GNRHR: variants seen among roughly 807,000 people sequenced by gnomAD.
GNRHR encodes the protein gonadotropin-releasing hormone receptor.
Under a neutral mutation model 28.1 loss-of-function variants are expected in GNRHR, and 14 were observed. The ratio of observed to expected loss-of-function variants is 0.50; its 90% CI spans 0.33 to 0.78. GNRHR has a LOEUF of 0.78. Ranked by LOEUF, GNRHR falls within the 30% of genes least tolerant of loss-of-function variation. The pLI, the probability that GNRHR is intolerant of heterozygous loss-of-function variation, is 0.02. For missense variants in GNRHR, 366 were observed against 382.1 expected (o/e 0.96, Z 0.35); for synonymous variants, 141 against 140.5 (o/e 1.00, Z -0.02).
intron 2 of GNRHR, among the ~76,000 whole-genome samples, chr4:67,742,720 T>G (rs1314917850): frequency 2.0e-5 from 3 of 152,202 alleles, no homozygotes; most frequent in Non-Finnish European, 4.4e-5. Context: ...ATATTTTTTT[T>G]GAGGGAAACA....
chr4:67,738,490 T>C lies in GNRHR; in HGVS notation c.*1990A>G, dbSNP rs1366236497. ...TGAGGCAATTCCTAAGACAGAGAGA[T>C]CCATAATGAGCACACAAGAAGAACC... On this transcript the variant is annotated 3_prime_UTR_variant, in exon 3 of 3. Coordinates refer to ENST00000226413, the MANE Select transcript of GNRHR (RefSeq NM_000406.3). Among the ~76,000 whole-genome samples, 1 of 151,604 alleles carries C rather than the reference T, an allele frequency of 6.6e-6. No individual in the cohort carries two copies. The highest frequency in any genetic ancestry group is 1.5e-5 in the Non-Finnish European group (1 of 67,742).
chr4:67,748,323 G>A (rs1054025964), intron 1 of GNRHR, among the ~76,000 whole-genome samples: 1 of 152,010 alleles, frequency 6.6e-6, no homozygotes, highest in Non-Finnish European at 1.5e-5. Context: ...GGCCTATCAT[G>A]ACAATAAATG....
rs1245052683 is a variant in GNRHR at position 67,753,937 on chromosome 4, C to T, written c.399G>A (p.Val133=). Reference sequence around the variant, plus strand: ...CCAGGGAGCGGTCCAGGCTGATCACCACCATCATGAAGGCTGGGGCATACA... The same window carrying T: ...CCAGGGAGCGGTCCAGGCTGATCACTACCATCATGAAGGCTGGGGCATACA... ...FSMYAPAFMM[V]VISLDRSLAI... is the part of the protein sequence containing the mutation. Residue 133 remains valine (V), a synonymous_variant, in exon 1 of 3, where the codon GTG becomes GTA. Coordinates refer to ENST00000226413, the MANE Select transcript of GNRHR (RefSeq NM_000406.3). The T allele has an allele frequency of 4.3e-6, 7 of 1,613,902 alleles. No homozygotes were observed. The highest frequency in any genetic ancestry group is 2.7e-5 in the African/African-American group (2 of 74,882).
Position 67,754,077 on chromosome 4 carries a change from T to TAACC in GNRHR, c.258_259insGGTT (p.Asn87GlyfsTer2). 6.2e-7 allele frequency: 1 copy of TAACC among 1,614,240 alleles called. No individual in the cohort carries two copies. The highest frequency in any genetic ancestry group is 8.5e-7 in the Non-Finnish European group (1 of 1,180,040). The stretch of plus-strand genomic sequence containing the variant: ...ATGACAATCAGAGTCTCCAACAGGT[T>TAACC]GGCTAAGGTCAGATGTTTTAAGAGC... On this transcript the variant is annotated frameshift_variant, in exon 1 of 3. Transcript: ENST00000226413. LOFTEE classifies it high-confidence loss of function.
intron 1 of GNRHR, among the ~76,000 whole-genome samples, chr4:67,745,098 G>A (rs981924641): frequency 1.3e-5 from 2 of 152,016 alleles, no homozygotes; most frequent in African/African-American, 4.8e-5. Flanking sequence ...TAAACTTTTT[G>A]CAAGTGATTT....
chr4:67,750,599 T>G (rs1731847970), intron 1 of GNRHR, among the ~76,000 whole-genome samples: 1 of 152,050 alleles, frequency 6.6e-6, no homozygotes, highest in Admixed American at 6.6e-5. Context: ...ATGAGGAAAG[T>G]GGAAAATCTA....
intron 1 of GNRHR, 126 bp from the exon 2 acceptor site, chr4:67,744,913 T>G (rs890333583): frequency 8.2e-6 from 5 of 610,396 alleles, no homozygotes; most frequent in Non-Finnish European, 8.8e-6. Context: ...AGTGTTATAC[T>G]TCTGACGTTT....
intron 2 of GNRHR, 132 bp from the exon 3 acceptor site, chr4:67,740,856 T>G (rs559469594): frequency 2.9e-6 from 2 of 698,650 alleles, no homozygotes; most frequent in Admixed American, 4.5e-5. Context: ...TAAATAATAA[T>G]AATTTGTTTG....
At chr4:67,752,864 A>G (rs1383398793) in intron 1 of GNRHR, among the ~76,000 whole-genome samples, 1 of 151,688 alleles carries the variant, frequency 6.6e-6, no homozygotes, top group African/African-American at 2.4e-5. Context: ...ATAAATTTCC[A>G]TTTTCAGAGG....
chr4:67,747,605 TA>T (rs1013332549), intron 1 of GNRHR, among the ~76,000 whole-genome samples: 1 of 151,916 alleles, frequency 6.6e-6, no homozygotes, highest in Admixed American at 6.6e-5. Flanking sequence ...AATTTATAAT[TA>T]AAAAAATAAA....
Position 67,739,625 on chromosome 4 carries a change from C to G in GNRHR, c.*855G>C, listed in dbSNP as rs1280811873. The stretch of plus-strand genomic sequence containing the variant: ...GGATTTAGTAAGATCAGGAGAGAGA[C>G]AAAAAATTCTTCACATTAAAATAGA... On this transcript the variant is annotated 3_prime_UTR_variant, in exon 3 of 3. Transcript: ENST00000226413. The G allele has an allele frequency of 1.3e-5, 2 of 151,926 alleles. No homozygotes were observed. Among genetic ancestry groups the G allele is most frequent in the Admixed American group, 1.3e-4 (2 of 15,230 alleles). 9.4% of individuals were successfully genotyped at this position (151,926 alleles called of 1,614,324 possible). A position where few individuals can be genotyped will look rare whatever the true frequency, so the allele number is the denominator to read the frequency against.
At position 67,748,446 on chromosome 4, in the gene GNRHR, C is replaced by T. The variant is rs116422730; in HGVS notation, c.523-3659G>A. 5.9e-3 allele frequency among the ~76,000 whole-genome samples: 895 copies of T among 152,030 alleles called. 11 individuals are homozygous for T. The highest frequency in any genetic ancestry group is 0.02 in the African/African-American group (833 of 41,502). On this transcript the variant is annotated intron_variant, in intron 1 of 2. Coordinates refer to ENST00000226413, the MANE Select transcript of GNRHR (RefSeq NM_000406.3). ...CACAATTTTTATATGTATCCATATG[C>T]GTTTATATGTTTATAAATGTGTATC...
chr4:67,752,244 T>A (rs1199429225), intron 1 of GNRHR, among the ~76,000 whole-genome samples: 2 of 151,712 alleles, frequency 1.3e-5, no homozygotes, highest in East Asian at 3.9e-4. Flanking sequence ...TCTCATTCTG[T>A]CACCGAGATT....
intron 2 of GNRHR, among the ~76,000 whole-genome samples, chr4:67,742,735 G>C (rs1048452078): frequency 6.6e-6 from 1 of 152,144 alleles, no homozygotes; most frequent in African/African-American, 2.4e-5. Context: ...GAAACAGATA[G>C]TGCTATTCAG....
Position 67,744,719 on chromosome 4 carries a change from T to C in GNRHR, c.591A>G (p.Val197=). 1 of 1,612,186 alleles carries C rather than the reference T, an allele frequency of 6.2e-7. No homozygotes were observed. The highest frequency in any genetic ancestry group is 8.5e-7 in the Non-Finnish European group (1 of 1,178,188). Residue 197 remains valine, a synonymous_variant, in exon 2 of 3, where the codon GTA becomes GTG. Transcript: ENST00000226413. ...SGQTKVFSQC[V]THCSFSQWWH... is the part of the protein sequence containing the mutation. ...ACCATTGTGAAAAACTGCAGTGTGTTACACATTGAGAGAAAACTTTTGTCT... is the reference window on the plus strand; with the variant it reads ...ACCATTGTGAAAAACTGCAGTGTGTCACACATTGAGAGAAAACTTTTGTCT...
intron 2 of GNRHR, among the ~76,000 whole-genome samples, chr4:67,744,315 T>A (rs1731715649): frequency 6.6e-6 from 1 of 152,236 alleles, no homozygotes; most frequent in African/African-American, 2.4e-5. Context: ...TTTAATGGAA[T>A]AATCATTCTT....
In GNRHR at chr4:67,740,213, A is replaced by G. The variant is rs1376129164; in HGVS notation, c.*267T>C. 6 of 364,910 alleles carry G rather than the reference A, an allele frequency of 1.6e-5. No homozygotes were observed. Among genetic ancestry groups the G allele is most frequent in the Non-Finnish European group, 3.0e-5 (6 of 197,246 alleles). The allele number at this position is 364,910 out of a possible 1,614,324, so 22.6% of individuals were successfully genotyped here. A position where few individuals can be genotyped will look rare whatever the true frequency, so the allele number is the denominator to read the frequency against. ...TTATGCAAAGAGAAAGTGATAAGAAACCTACATAATGTGTTATATGAGGTC... is the reference window on the plus strand; with the variant it reads ...TTATGCAAAGAGAAAGTGATAAGAAGCCTACATAATGTGTTATATGAGGTC... On this transcript the variant is annotated 3_prime_UTR_variant, in exon 3 of 3. Coordinates refer to ENST00000226413, the MANE Select transcript of GNRHR (RefSeq NM_000406.3).
At chr4:67,746,689 C>A (rs2109984294) in intron 1 of GNRHR, among the ~76,000 whole-genome samples, 1 of 151,838 alleles carries the variant, frequency 6.6e-6, no homozygotes, top group South Asian at 2.1e-4. Flanking sequence ...AAACATGATT[C>A]TTTTCTACCC....
chr4:67,754,126 C>G lies in GNRHR; in HGVS notation c.210G>C (p.Gly70=). The G allele has an allele frequency of 6.2e-7, 1 of 1,614,082 alleles. No individual in the cohort carries two copies. Among genetic ancestry groups the G allele is most frequent in the African/African-American group, 1.3e-5 (1 of 75,022 alleles). ...LQKWTQKKEK[G]KKLSRMKLLL... ...GCAGCTTCATTCTTGAGAGCTTTTT[C>G]CCTTTCTCTTTCTTCTGTGTCCACT... Residue 70 remains glycine, a synonymous_variant, in exon 1 of 3, where the codon GGG becomes GGC. Transcript: ENST00000226413.
Sources: gnomAD v4.1 joint callset for allele counts (sites outside exome capture counted in the v4.1 genomes callset) on GRCh38, gnomAD v4.1.1 for gene constraint, MANE v1.5 for transcripts, NCBI Gene and HGNC (gene_info 2026-07-23, HGNC 2026-07-21) for gene names.